The following WDFY1 variants were observed in gnomAD, a reference collection of about 807,000 sequenced individuals.
The protein encoded by WDFY1 is WD repeat and FYVE domain-containing protein 1.
In WDFY1, 32 loss-of-function variants were observed where a neutral mutation model predicts 56.4. That is an observed-to-expected ratio of 0.57 (90% CI 0.43 to 0.76). The LOEUF is 0.76. Among genes scored for constraint, WDFY1 ranks in the 30% least tolerant of loss-of-function variants. The pLI, the probability that WDFY1 is intolerant of heterozygous loss-of-function variation, is 0.00. For missense variants in WDFY1, 480 were observed against 545.7 expected, an observed-to-expected ratio of 0.88 and a Z score of 1.20; for synonymous variants, 192 against 197.3, an observed-to-expected ratio of 0.97 and a Z score of 0.23.
intron 8 of WDFY1, among the ~76,000 whole-genome samples, chr2:223,889,811 A>G (rs1276050631): frequency 6.6e-6 from 1 of 152,278 alleles, no homozygotes; most frequent in Non-Finnish European, 1.5e-5. Flanking sequence ...GGAAGTGTTC[A>G]GAATACTACG....
chr2:223,891,784 C>G (rs1487924875), intron 8 of WDFY1, among the ~76,000 whole-genome samples: 1 of 152,162 alleles, frequency 6.6e-6, no homozygotes, highest in Non-Finnish European at 1.5e-5. Flanking sequence ...AGTCTCCTCC[C>G]CTCATCATCC....
At chr2:223,891,484 C>A (rs1244056557) in intron 8 of WDFY1, among the ~76,000 whole-genome samples, 1 of 145,598 alleles carries the variant, frequency 6.9e-6, no homozygotes. Context: ...AAAAAACAAA[C>A]AAACAAAAAA....
At chr2:223,908,401 TC>T (rs1693638000) in intron 3 of WDFY1, among the ~76,000 whole-genome samples, 1 of 152,068 alleles carries the variant, frequency 6.6e-6, no homozygotes, top group African/African-American at 2.4e-5. Context: ...CTACGTGCCA[TC>T]CCAAAGGCAC....
chr2:223,945,244 G>C lies in WDFY1; in HGVS notation c.41C>G (p.Pro14Arg), dbSNP rs779004650. ...CCCCTCGATCTTGCTCAGCAGCACC[G>C]GGCGGCTGCTCTGCGGCCTGGAGTG... ...EIHSRPQSSR[P>R]VLLSKIEGHQ... The change falls in exon 1 of 12, where the codon CCG becomes CGG. Residue 14 changes from proline to arginine, a missense_variant. By Grantham distance (103) the Pro-to-Arg change is moderately radical. Coordinates refer to ENST00000233055, the MANE Select transcript of WDFY1 (RefSeq NM_020830.5). The C allele has an allele frequency of 2.5e-6, 4 of 1,590,872 alleles. No individual in the cohort carries two copies. Among genetic ancestry groups the C allele is most frequent in the Non-Finnish European group, 3.4e-6 (4 of 1,172,736 alleles).
chr2:223,918,059 C>T, intron 1 of WDFY1, 49 bp from the exon 2 acceptor site: 1 of 1,586,636 alleles, frequency 6.3e-7, no homozygotes, highest in Non-Finnish European at 8.6e-7. Context: ...GTAATTTTAT[C>T]TTTTGTGTTC....
chr2:223,883,405 G>C (rs576879040), intron 9 of WDFY1, among the ~76,000 whole-genome samples: 4 of 152,238 alleles, frequency 2.6e-5, no homozygotes, highest in African/African-American at 9.6e-5. Context: ...TTAATAAATG[G>C]AAGTAAAATC....
chr2:223,882,425 T>C (rs1693087629), intron 9 of WDFY1, among the ~76,000 whole-genome samples: 1 of 152,110 alleles, frequency 6.6e-6, no homozygotes, highest in Non-Finnish European at 1.5e-5. Context: ...GCTTTTGCTT[T>C]AAAGCACATG....
At chr2:223,921,167 G>A (rs1360263376) in intron 1 of WDFY1, among the ~76,000 whole-genome samples, 1 of 152,160 alleles carries the variant, frequency 6.6e-6, no homozygotes, top group Non-Finnish European at 1.5e-5. Context: ...CTCTACCCAA[G>A]ATCTGTACAC....
Position 223,881,989 on chromosome 2 carries a change from G to C in WDFY1, c.1017C>G (p.Phe339Leu). Residue 339 changes from phenylalanine to leucine, a missense_variant, in exon 10 of 12, where the codon TTC becomes TTG. Phe to Leu is a conservative substitution (Grantham distance 22). Coordinates refer to ENST00000233055, the MANE Select transcript of WDFY1 (RefSeq NM_020830.5). The stretch of plus-strand genomic sequence containing the variant: ...AACAAGAATCACAAACCCGGACTTG[G>C]AACTCGAAGCCCATGACTGGGTAAC... ...RSSYPVMGFE[F>L]QVRVCDSCYD... 1.2e-6 allele frequency: 2 copies of C among 1,614,060 alleles called. No individual in the cohort carries two copies. Among genetic ancestry groups the C allele is most frequent in the South Asian group, 1.1e-5 (1 of 91,078 alleles).
intron 8 of WDFY1, among the ~76,000 whole-genome samples, chr2:223,888,901 CTTTTTTTTT>C (rs71058955): frequency 1.6e-5 from 1 of 61,436 alleles, no homozygotes; most frequent in East Asian, 3.9e-4. Context: ...ATTCTCAACT[CTTTTTTTTT>C]TTTTTTTTTT....
At chr2:223,895,733 G>A in intron 6 of WDFY1, 103 bp from the exon 7 acceptor site, 5 of 1,493,444 alleles carry the variant, frequency 3.3e-6, no homozygotes, top group South Asian at 2.5e-5. Flanking sequence ...CAAACTAGGA[G>A]CAGCTGAGTC....
At chr2:223,906,112 T>C (rs1362034161) in intron 3 of WDFY1, 111 bp from the exon 4 acceptor site, 5 of 799,900 alleles carry the variant, frequency 6.3e-6, no homozygotes, top group South Asian at 2.0e-5. Context: ...TCACAAGACC[T>C]AGGACTTAAG....
intron 8 of WDFY1, among the ~76,000 whole-genome samples, chr2:223,887,594 T>C (rs142630217): frequency 5.9e-5 from 9 of 152,364 alleles, no homozygotes; most frequent in African/African-American, 2.2e-4. Flanking sequence ...AGAAATTCAC[T>C]TCTTTCTTTT....
chr2:223,879,988 G>T, intron 11 of WDFY1, 136 bp downstream of exon 11: 1 of 765,500 alleles, frequency 1.3e-6, no homozygotes, highest in Non-Finnish European at 2.2e-6. Flanking sequence ...CAAGCAATTT[G>T]TTACTCAAGG....
rs1693450065 is a variant in WDFY1 at position 223,898,953 on chromosome 2, C to G, written c.598+5G>C. 1 of 1,612,842 alleles carries G rather than the reference C, an allele frequency of 6.2e-7. No homozygotes were observed. The highest frequency in any genetic ancestry group is 1.7e-5 in the Admixed American group (1 of 59,972). On this transcript the variant is annotated splice_donor_5th_base_variant and intron_variant, in intron 6 of 11. Transcript: ENST00000233055. ...AAAAAACTCTTGGGTGATAATATAG[C>G]CTACCTTCATGTCCTTTGAGGGTTG... is the stretch of plus-strand genomic sequence containing the variant.
chr2:223,903,004 T>C (rs1693529570), intron 4 of WDFY1, among the ~76,000 whole-genome samples: 1 of 152,134 alleles, frequency 6.6e-6, no homozygotes, highest in African/African-American at 2.4e-5. Context: ...CTTTCTGCTG[T>C]TTGGTTTTTT....
At chr2:223,884,447 C>G (rs1693135823) in intron 9 of WDFY1, among the ~76,000 whole-genome samples, 1 of 152,092 alleles carries the variant, frequency 6.6e-6, no homozygotes, top group Non-Finnish European at 1.5e-5. Flanking sequence ...ACAGGACAAG[C>G]AATGGAAAAG....
At chr2:223,917,436 C>T (rs748797416) in intron 2 of WDFY1, among the ~76,000 whole-genome samples, 2 of 152,008 alleles carry the variant, frequency 1.3e-5, no homozygotes, top group Non-Finnish European at 2.9e-5. Context: ...AAGTCTGCTT[C>T]AGTTAAGCCA....
intron 5 of WDFY1, chr2:223,900,834 A>G: frequency 5.6e-6 from 1 of 179,762 alleles, no homozygotes; most frequent in Non-Finnish European, 1.2e-5. Flanking sequence ...CAAAGACATG[A>G]GAGGAAGGGT....
Sources: allele counts gnomAD v4.1 joint callset (sites outside exome capture counted in the v4.1 genomes callset), GRCh38; gene constraint gnomAD v4.1.1; transcripts MANE v1.5; gene names NCBI Gene and HGNC (gene_info 2026-07-23, HGNC 2026-07-21).